Variants in LRRC1 observed in about 807,000 individuals in gnomAD.
The protein encoded by LRRC1 is leucine-rich repeat-containing protein 1.
Under a neutral mutation model 69.9 loss-of-function variants are expected in LRRC1, and 28 were observed. The ratio of observed to expected loss-of-function variants is 0.40; its 90% CI spans 0.30 to 0.55. The LOEUF (loss-of-function observed/expected upper bound fraction) is 0.55, where lower values mean the gene tolerates loss of function less well. Ranked by LOEUF, LRRC1 falls within the 20% of genes least tolerant of loss-of-function variation. LRRC1 has a pLI of 0.47. For synonymous variants in LRRC1, 236 were observed against 240.2 expected (o/e 0.98, Z 0.16); for missense variants, 498 against 609.0 (o/e 0.82, Z 1.92).
At chr6:53,873,531 C>T (rs549971278) in intron 2 of LRRC1, among the ~76,000 whole-genome samples, 1 of 150,600 alleles carries the variant, frequency 6.6e-6, no homozygotes, top group East Asian at 2.0e-4. Flanking sequence ...GATCTCCTGA[C>T]CCCGTGATCT....
intron 2 of LRRC1, among the ~76,000 whole-genome samples, chr6:53,872,132 A>G (rs539670529): frequency 1.3e-5 from 2 of 152,274 alleles, no homozygotes; most frequent in South Asian, 2.1e-4. Flanking sequence ...ATATATGGTG[A>G]GAGATAGGGA....
intron 1 of LRRC1, among the ~76,000 whole-genome samples, chr6:53,831,225 C>G (rs1347467188): frequency 6.6e-6 from 1 of 151,970 alleles, no homozygotes; most frequent in African/African-American, 2.4e-5. Flanking sequence ...TAGGGCCTAA[C>G]AGTCTGAACA....
chr6:53,847,834 C>A (rs1765996113), intron 2 of LRRC1, among the ~76,000 whole-genome samples: 1 of 152,198 alleles, frequency 6.6e-6, no homozygotes, highest in African/African-American at 2.4e-5. Context: ...CTCGTTCTGG[C>A]AAGTGGTAAC....
intron 2 of LRRC1, among the ~76,000 whole-genome samples, chr6:53,855,587 T>G (rs1766284205): frequency 6.6e-6 from 1 of 152,210 alleles, no homozygotes; most frequent in African/African-American, 2.4e-5. Flanking sequence ...CTTCCTCATC[T>G]TACATTGAAT....
intron 1 of LRRC1, among the ~76,000 whole-genome samples, chr6:53,796,250 C>A (rs528783148): frequency 6.6e-6 from 1 of 152,210 alleles, no homozygotes; most frequent in Admixed American, 6.5e-5. Flanking sequence ...ACTCCATTGC[C>A]GCCGAACTTG....
intron 1 of LRRC1, among the ~76,000 whole-genome samples, chr6:53,819,807 G>C (rs1765062521): frequency 6.6e-6 from 1 of 152,128 alleles, no homozygotes; most frequent in Non-Finnish European, 1.5e-5. Flanking sequence ...CCTCAAATGA[G>C]ATTTATTAGC....
At chr6:53,856,352 T>C (rs1405707384) in intron 2 of LRRC1, among the ~76,000 whole-genome samples, 2 of 152,148 alleles carry the variant, frequency 1.3e-5, no homozygotes, top group East Asian at 3.9e-4. Context: ...AAGGACCAAG[T>C]CCATCCGTGA....
intron 10 of LRRC1, among the ~76,000 whole-genome samples, chr6:53,912,049 G>A (rs967704234): frequency 2.0e-5 from 3 of 152,228 alleles, no homozygotes; most frequent in Non-Finnish European, 4.4e-5. Flanking sequence ...TAACTTTTAA[G>A]TAGAGGTCTT....
At chr6:53,912,891 A>C (rs1189097555) in intron 10 of LRRC1, among the ~76,000 whole-genome samples, 1 of 145,040 alleles carries the variant, frequency 6.9e-6, no homozygotes, top group East Asian at 2.7e-4. Context: ...AATTGCCCTT[A>C]GTCAGGAGAG....
intron 2 of LRRC1, among the ~76,000 whole-genome samples, chr6:53,856,338 G>A (rs946934147): frequency 3.5e-4 from 54 of 152,184 alleles, no homozygotes; most frequent in African/African-American, 1.3e-3. Context: ...GGCCAGAAGG[G>A]TGGAAGGACC....
At chr6:53,827,537 G>A (rs1456750442) in intron 1 of LRRC1, among the ~76,000 whole-genome samples, 1 of 152,180 alleles carries the variant, frequency 6.6e-6, no homozygotes, top group Non-Finnish European at 1.5e-5. Context: ...GCCTCAGAGA[G>A]GTCGTGGCAT....
chr6:53,831,876 T>A (rs1402888688), intron 1 of LRRC1, among the ~76,000 whole-genome samples: 1 of 152,176 alleles, frequency 6.6e-6, no homozygotes, highest in Non-Finnish European at 1.5e-5. Flanking sequence ...ATTAAAAACA[T>A]TAACTAAGGT....
chr6:53,920,603 T>G lies in LRRC1; in HGVS notation c.1280-22T>G, dbSNP rs9296725. The stretch of plus-strand genomic sequence containing the variant: ...ATCACATGAAACGCAATTCCCTGCT[T>G]ATGTGGTCTTTGTCACTGCAGAGAA... On this transcript the variant is annotated intron_variant, in intron 12 of 13. Coordinates refer to ENST00000370888, the MANE Select transcript of LRRC1 (RefSeq NM_018214.5). 19,017 of 1,613,950 alleles carry G rather than the reference T, an allele frequency of 0.012. 1,436 individuals carry two copies. In the African/African-American group the frequency reaches 0.18, roughly 16 times the overall value.
intron 2 of LRRC1, among the ~76,000 whole-genome samples, chr6:53,845,952 G>A (rs1765930025): frequency 6.6e-6 from 1 of 152,162 alleles, no homozygotes; most frequent in African/African-American, 2.4e-5. Context: ...ACCCTCCCAT[G>A]TGGAAGATAG....
chr6:53,838,654 A>G (rs1765678736), intron 1 of LRRC1, among the ~76,000 whole-genome samples: 1 of 152,192 alleles, frequency 6.6e-6, no homozygotes, highest in South Asian at 2.1e-4. Flanking sequence ...CAATTATTCA[A>G]ATACGTGACT....
intron 2 of LRRC1, among the ~76,000 whole-genome samples, chr6:53,845,746 C>A (rs1194197360): frequency 6.6e-6 from 1 of 152,218 alleles, no homozygotes; most frequent in African/African-American, 2.4e-5. Context: ...AATGAAGATT[C>A]TGTTGCAGTA....
intron 2 of LRRC1, among the ~76,000 whole-genome samples, chr6:53,878,111 A>G (rs1176150904): frequency 6.6e-6 from 1 of 152,084 alleles, no homozygotes; most frequent in Admixed American, 6.5e-5. Flanking sequence ...ACTCCCCCTT[A>G]TAATAACCAT....
chr6:53,899,233 G>A (rs957908643), intron 7 of LRRC1, among the ~76,000 whole-genome samples: 10 of 152,200 alleles, frequency 6.6e-5, no homozygotes, highest in Non-Finnish European at 1.3e-4. Context: ...TAATGTTAAA[G>A]ATACAGATAG....
rs1767415163 is a variant in LRRC1 at position 53,884,666 on chromosome 6, C to T, written c.446+1690C>T. 2.0e-5 allele frequency among the ~76,000 whole-genome samples: 3 copies of T among 152,258 alleles called. 1 individual carries two copies. In the South Asian group the frequency reaches 6.2e-4, roughly 32 times the overall value. ...AGTCTGCAGCTGCCTAGATGGTTCTCCTTTCTAGCCTCTGATTCCTACCCC... is the reference window on the plus strand; with the variant it reads ...AGTCTGCAGCTGCCTAGATGGTTCTTCTTTCTAGCCTCTGATTCCTACCCC... On this transcript the variant is annotated intron_variant, in intron 4 of 13. Coordinates refer to ENST00000370888, the MANE Select transcript of LRRC1 (RefSeq NM_018214.5).
Sources: gnomAD v4.1 joint callset for allele counts (sites outside exome capture counted in the v4.1 genomes callset) on GRCh38, gnomAD v4.1.1 for gene constraint, MANE v1.5 for transcripts, NCBI Gene and HGNC (gene_info 2026-07-23, HGNC 2026-07-21) for gene names.